The following ARHGEF18 variants were observed in gnomAD, a reference collection of about 807,000 sequenced individuals.
ARHGEF18 encodes the protein rho guanine nucleotide exchange factor 18.
Under a neutral mutation model 155.7 loss-of-function variants are expected in ARHGEF18, and 93 were observed. The ratio of observed to expected loss-of-function variants is 0.60; its 90% CI spans 0.50 to 0.71. The LOEUF is 0.71. Ranked by LOEUF, ARHGEF18 falls within the 30% of genes least tolerant of loss-of-function variation. The pLI is 0.00. For missense variants in ARHGEF18, 1,593 were observed against 1,816.1 expected, an observed-to-expected ratio of 0.88 and a Z score of 2.23; for synonymous variants, 742 against 753.1, an observed-to-expected ratio of 0.99 and a Z score of 0.24.
At chr19:7,417,047 T>C (rs1485544775) in intron 10 of ARHGEF18, among the ~76,000 whole-genome samples, 1 of 151,992 alleles carries the variant, frequency 6.6e-6, no homozygotes, top group African/African-American at 2.4e-5. Context: ...GTAGCTGGGA[T>C]TACAGGCACG....
rs116335951 is a variant in ARHGEF18 at position 7,370,001 on chromosome 19, A to T, written c.16-2811A>T. Among the ~76,000 whole-genome samples, 1,435 of 152,044 alleles carry T rather than the reference A, an allele frequency of 9.4e-3. 23 individuals carry two copies. The highest frequency in any genetic ancestry group is 0.032 in the African/African-American group (1,331 of 41,462). ...CATCTGAAATCAGGAATTTCAGACC[A>T]GCCTCGGCAACATGATGAAACCGTG... On this transcript the variant is annotated intron_variant, in intron 2 of 28. Coordinates refer to ENST00000668164, the MANE Select transcript of ARHGEF18 (RefSeq NM_001367823.1).
downstream of ARHGEF18, among the ~76,000 whole-genome samples, chr19:7,476,477 C>T (rs1192177782): frequency 6.6e-6 from 1 of 152,278 alleles, no homozygotes; most frequent in Non-Finnish European, 1.5e-5. Context: ...GCAGTGCCCT[C>T]ATCCCATCCC....
the ARHGEF18 span, chr19:7,477,569 G>T: frequency 1.4e-6 from 1 of 717,442 alleles, no homozygotes; most frequent in South Asian, 2.6e-5. Flanking sequence ...GGACTGAGGT[G>T]GCCTCCCTGA....
downstream of ARHGEF18, among the ~76,000 whole-genome samples, chr19:7,475,580 G>A (rs1023200746): frequency 4.6e-5 from 7 of 152,086 alleles, no homozygotes; most frequent in Admixed American, 2.6e-4. Context: ...CCAGCTGAGA[G>A]AGTGGGAGAG....
chr19:7,379,192 A>C (rs529139207), intron 7 of ARHGEF18, 26 bp downstream of exon 7: 1 of 1,230,830 alleles, frequency 8.1e-7, no homozygotes, highest in East Asian at 3.2e-5. Context: ...GACAGGCTTG[A>C]GGGGAGCAAA....
chr19:7,379,952 C>T (rs1046508693), intron 7 of ARHGEF18, among the ~76,000 whole-genome samples: 1 of 151,426 alleles, frequency 6.6e-6, no homozygotes, highest in African/African-American at 2.4e-5. Context: ...ATTGTTTGAG[C>T]CCAGGAGTTT....
rs139250906 is a variant in ARHGEF18 at position 7,408,292 on chromosome 19, A to G, written c.967+25089A>G. The stretch of plus-strand genomic sequence containing the variant: ...ACCCTGTTTCAAAAAAAAGAGAAAG[A>G]GCCAGATAATAAATATTTCAGGCTT... On this transcript the variant is annotated intron_variant, in intron 10 of 28. Transcript: ENST00000668164. 7.1e-3 allele frequency among the ~76,000 whole-genome samples: 1,085 copies of G among 152,240 alleles called. 14 individuals are homozygous for G. The highest frequency in any genetic ancestry group is 0.024 in the African/African-American group (989 of 41,540).
intron 10 of ARHGEF18, among the ~76,000 whole-genome samples, chr19:7,424,104 G>A (rs1298936239): frequency 6.6e-6 from 1 of 151,864 alleles, no homozygotes; most frequent in Non-Finnish European, 1.5e-5. Context: ...TCGGCTGACC[G>A]CAACCTCCAC....
At chr19:7,363,395 G>A (rs993906702) in intron 2 of ARHGEF18, among the ~76,000 whole-genome samples, 1 of 151,928 alleles carries the variant, frequency 6.6e-6, no homozygotes, top group Non-Finnish European at 1.5e-5. Flanking sequence ...ACTGATGGAA[G>A]GAAGGAGGAT....
Position 7,382,902 on chromosome 19 carries a change from G to T in ARHGEF18, c.825+8G>T, listed in dbSNP as rs925802229. 1 of 1,232,386 alleles carries T rather than the reference G, an allele frequency of 8.1e-7. No homozygotes were observed. The highest frequency in any genetic ancestry group is 1.6e-5 in the African/African-American group (1 of 64,440). The allele number at this position is 1,232,386 out of a possible 1,614,324, so 76.3% of individuals were successfully genotyped here. A position where few individuals can be genotyped will look rare whatever the true frequency, so the allele number is the denominator to read the frequency against. On this transcript the variant is annotated splice_region_variant and intron_variant, in intron 9 of 28. Coordinates refer to ENST00000668164, the MANE Select transcript of ARHGEF18 (RefSeq NM_001367823.1). ...ACCAGGCAGAAGGAGAAGGTAAGGG[G>T]AGCTAAGCCACGGGGGCCCTCCTCT...
Position 7,395,044 on chromosome 19 carries a change from G to A in ARHGEF18, c.967+11841G>A, listed in dbSNP as rs1263033191. On this transcript the variant is annotated intron_variant, in intron 10 of 28. Transcript: ENST00000668164. This position sits in a 1 kb window ranked among gnomAD's most constrained non-coding sequence, Gnocchi z 5.0. ...GTCCCCGGGAGCGCCCCGCCCTCGAGGGCACGCCTCCTTCCGGGTCACGCC... is the reference window on the plus strand; with the variant it reads ...GTCCCCGGGAGCGCCCCGCCCTCGAAGGCACGCCTCCTTCCGGGTCACGCC... The A allele has an allele frequency of 1.2e-5, 12 of 985,146 alleles. No homozygotes were observed. In the Admixed American group the frequency reaches 6.1e-4, roughly 50 times the overall value. 61.0% of individuals were successfully genotyped at this position (985,146 alleles called of 1,614,324 possible).
At chr19:7,407,341 G>A (rs1040799710) in intron 10 of ARHGEF18, among the ~76,000 whole-genome samples, 7 of 151,548 alleles carry the variant, frequency 4.6e-5, no homozygotes, top group African/African-American at 1.7e-4. Flanking sequence ...CAGGAGAATC[G>A]CTGGAACCCA....
Position 7,472,440 on chromosome 19 carries a change from C to G in ARHGEF18, c.*2142C>G, listed in dbSNP as rs1977085688. 6.3e-6 allele frequency: 1 copy of G among 158,730 alleles called. No individual in the cohort carries two copies. Among genetic ancestry groups the G allele is most frequent in the Admixed American group, 5.9e-5 (1 of 16,884 alleles). The allele number at this position is 158,730 out of a possible 1,614,324, so 9.8% of individuals were successfully genotyped here. On this transcript the variant is annotated 3_prime_UTR_variant, in exon 29 of 29. Transcript: ENST00000668164. ...GGGATATTTCTGACCCGCTTTAGAA[C>G]TTAAGACCTGATTCTAGCAATAAAC...
chr19:7,381,451 G>A (rs1970731364), intron 8 of ARHGEF18, among the ~76,000 whole-genome samples: 1 of 152,044 alleles, frequency 6.6e-6, no homozygotes, highest in Admixed American at 6.6e-5. Context: ...GCCGAGGAGG[G>A]TGGATCATCT....
In ARHGEF18 at chr19:7,380,948, C is replaced by A. The variant is rs1970705696; in HGVS notation, c.676C>A (p.Pro226Thr). Residue 226 changes from proline (P) to threonine (T), a missense_variant, in exon 8 of 29, where the codon CCC (proline) becomes ACC (threonine). Pro to Thr is a conservative substitution (Grantham distance 38, BLOSUM62 -1). Transcript: ENST00000668164. ...GCAGAGGGCTTGCATGTCAGCCAGC[C>A]CCGGAGGAGCCCACTCGAACCTGAC... is the stretch of plus-strand genomic sequence containing the variant. ...ARQRACMSAS[P>T]GGAHSNLTWF... The A allele has an allele frequency of 8.1e-7, 1 of 1,232,146 alleles. No homozygotes were observed. Among genetic ancestry groups the A allele is most frequent in the African/African-American group, 1.5e-5 (1 of 64,536 alleles). The allele number at this position is 1,232,146 out of a possible 1,614,324, so 76.3% of individuals were successfully genotyped here. A position where few individuals can be genotyped will look rare whatever the true frequency, so the allele number is the denominator to read the frequency against.
intron 18 of ARHGEF18, among the ~76,000 whole-genome samples, chr19:7,457,428 T>G (rs1049715194): frequency 3.8e-5 from 5 of 131,328 alleles, no homozygotes; most frequent in African/African-American, 1.5e-4. Flanking sequence ...AATGACACAA[T>G]CTCGACTCAC....
intron 1 of ARHGEF18, among the ~76,000 whole-genome samples, chr19:7,355,297 A>G (rs959985647): frequency 6.6e-6 from 1 of 151,614 alleles, no homozygotes; most frequent in Non-Finnish European, 1.5e-5. Flanking sequence ...ACACACAAAC[A>G]CTCAGACATC....
At chr19:7,385,462 A>ATTG (rs1421604201) in intron 10 of ARHGEF18, among the ~76,000 whole-genome samples, 1 of 143,126 alleles carries the variant, frequency 7.0e-6, no homozygotes, top group African/African-American at 2.7e-5. Flanking sequence ...TATTATTATT[A>ATTG]TTATTATTAT....
At chr19:7,477,389 G>A (rs750711022), downstream of ARHGEF18, 147 of 1,542,250 alleles carry the variant, frequency 9.5e-5, no homozygotes, top group Non-Finnish European at 1.1e-4. Flanking sequence ...CAGCGCCTCC[G>A]ACTGCATCTG....
Sources: allele counts gnomAD v4.1 joint callset (sites outside exome capture counted in the v4.1 genomes callset), GRCh38; gene constraint gnomAD v4.1.1; non-coding constraint Gnocchi (gnomAD v3.1); transcripts MANE v1.5; gene names NCBI Gene and HGNC (gene_info 2026-07-23, HGNC 2026-07-21).